Variants in KANSL1L observed in about 807,000 individuals in gnomAD.
The protein encoded by KANSL1L is KAT8 regulatory NSL complex subunit 1-like protein.
A neutral mutation model predicts 108.6 loss-of-function variants in KANSL1L; 25 were observed. The ratio of observed to expected loss-of-function variants is 0.23; its 90% confidence interval spans 0.17 to 0.32. The LOEUF (loss-of-function observed/expected upper bound fraction) is 0.32. Ranked by LOEUF, KANSL1L falls within the 10% of genes least tolerant of loss-of-function variation. The pLI, the probability that KANSL1L is intolerant of heterozygous loss-of-function variation, is 1.00. For missense variants in KANSL1L, 1,137 were observed against 1,125.7 expected (o/e 1.01, Z -0.14); for synonymous variants, 405 against 395.1 (o/e 1.03, Z -0.30).
At chr2:210,167,786 C>A (rs528686636) in intron 1 of KANSL1L, among the ~76,000 whole-genome samples, 15 of 151,934 alleles carry the variant, frequency 9.9e-5, no homozygotes, top group Middle Eastern at 3.4e-3. Flanking sequence ...TTTCTAAGAA[C>A]CTAAAAATAA....
intron 1 of KANSL1L, among the ~76,000 whole-genome samples, chr2:210,165,950 T>C (rs967686730): frequency 1.1e-4 from 16 of 152,200 alleles, no homozygotes; most frequent in African/African-American, 3.9e-4. Context: ...ACTGTTCTAC[T>C]ACTGTTGTTG....
upstream of KANSL1L, among the ~76,000 whole-genome samples, chr2:210,172,631 T>C (rs555329127): frequency 1.3e-5 from 2 of 152,366 alleles, no homozygotes; most frequent in African/African-American, 4.8e-5. Flanking sequence ...TTTACTTTCA[T>C]TGTAATAAAA....
intron 6 of KANSL1L, among the ~76,000 whole-genome samples, chr2:210,067,219 C>G (rs561552858): frequency 6.6e-6 from 1 of 152,170 alleles, no homozygotes; most frequent in Non-Finnish European, 1.5e-5. Context: ...CTCCAGCTGG[C>G]AGACAGCATA....
intron 6 of KANSL1L, among the ~76,000 whole-genome samples, chr2:210,053,583 C>T (rs1407672310): frequency 3.3e-5 from 5 of 151,720 alleles, no homozygotes; most frequent in African/African-American, 7.3e-5. Flanking sequence ...GGAAATAAAC[C>T]GAGATTCATG....
At chr2:210,035,593 C>T (rs1482136312) in intron 8 of KANSL1L, among the ~76,000 whole-genome samples, 1 of 152,158 alleles carries the variant, frequency 6.6e-6, no homozygotes, top group Non-Finnish European at 1.5e-5. Flanking sequence ...ATTCTTGTGC[C>T]TCAGCCTCCC....
chr2:210,033,262 T>C (rs2094046924), intron 8 of KANSL1L, among the ~76,000 whole-genome samples: 1 of 152,226 alleles, frequency 6.6e-6, no homozygotes, highest in African/African-American at 2.4e-5. Context: ...TCACAGATGA[T>C]AATACCCTGA....
At chr2:210,142,658 C>CT (rs1180176131) in intron 2 of KANSL1L, among the ~76,000 whole-genome samples, 1 of 152,040 alleles carries the variant, frequency 6.6e-6, no homozygotes, top group Non-Finnish European at 1.5e-5. Context: ...GTTTTGTAAA[C>CT]TGTGTTTCCA....
chr2:210,143,450 C>T (rs2095244215), intron 2 of KANSL1L, among the ~76,000 whole-genome samples: 1 of 152,068 alleles, frequency 6.6e-6, no homozygotes. Flanking sequence ...ATATCCGAGG[C>T]AATTGTTGAT....
At chr2:210,157,879 T>C (rs1010686423) in intron 1 of KANSL1L, among the ~76,000 whole-genome samples, 3 of 146,146 alleles carry the variant, frequency 2.1e-5, no homozygotes, top group African/African-American at 4.9e-5. Context: ...CACTCCAGCT[T>C]GAGTGACAGA....
intron 13 of KANSL1L, among the ~76,000 whole-genome samples, chr2:210,024,759 G>A (rs372894384): frequency 7.9e-5 from 12 of 152,072 alleles, no homozygotes; most frequent in African/African-American, 2.9e-4. Context: ...ATGTTAAAAT[G>A]GATTACCTAA....
intron 2 of KANSL1L, among the ~76,000 whole-genome samples, chr2:210,143,858 A>C (rs922466015): frequency 6.6e-6 from 1 of 152,218 alleles, no homozygotes; most frequent in Non-Finnish European, 1.5e-5. Flanking sequence ...AATTATAATA[A>C]AAACAAGTGA....
intron 1 of KANSL1L, among the ~76,000 whole-genome samples, chr2:210,157,042 A>G (rs1407390124): frequency 6.6e-6 from 1 of 152,138 alleles, no homozygotes; most frequent in Non-Finnish European, 1.5e-5. Flanking sequence ...TTTTATGGAA[A>G]TAGAAAAACA....
At chr2:210,078,187 G>C (rs1208028722) in intron 5 of KANSL1L, among the ~76,000 whole-genome samples, 1 of 152,078 alleles carries the variant, frequency 6.6e-6, no homozygotes, top group Non-Finnish European at 1.5e-5. Context: ...CATAGAAAAA[G>C]TAATGCATTG....
Position 210,092,853 on chromosome 2 carries a change from T to C in KANSL1L, c.1550+5233A>G, listed in dbSNP as rs144978892. On this transcript the variant is annotated intron_variant, in intron 5 of 14. Coordinates refer to ENST00000281772, the MANE Select transcript of KANSL1L (RefSeq NM_152519.4). ...AACTAGGGATCTCTTGGATCACTCATTGATGCAAACTTGGATTGAAAATCC... is the reference window on the plus strand; with the variant it reads ...AACTAGGGATCTCTTGGATCACTCACTGATGCAAACTTGGATTGAAAATCC... Among the ~76,000 whole-genome samples the C allele has an allele frequency of 2.3e-3, 351 of 152,280 alleles. 1 individual carries two copies. The highest frequency in any genetic ancestry group is 8.0e-3 in the African/African-American group (331 of 41,572).
intron 11 of KANSL1L, 83 bp from the exon 12 acceptor site, chr2:210,027,433 AGT>A: frequency 2.3e-6 from 2 of 868,702 alleles, no homozygotes; most frequent in South Asian, 2.9e-5. Context: ...TAAATGTATT[AGT>A]GTTTCCTTGG....
Position 210,031,783 on chromosome 2 carries a change from C to T in KANSL1L, c.2030-237G>A, listed in dbSNP as rs544999187. On this transcript the variant is annotated intron_variant, in intron 8 of 14. Coordinates refer to ENST00000281772, the MANE Select transcript of KANSL1L (RefSeq NM_152519.4). ...AGGGAAGATGATCTGTTCTCAAAGT[C>T]TTCCAAATTACAGAAACTTGATAGA... 8.5e-5 allele frequency among the ~76,000 whole-genome samples: 13 copies of T among 152,284 alleles called. No homozygotes were observed. In the East Asian group the frequency reaches 1.9e-3, roughly 23 times the overall value.
chr2:210,075,816 A>G, intron 5 of KANSL1L, 60 bp from the exon 6 acceptor site: 2 of 1,269,140 alleles, frequency 1.6e-6, no homozygotes, highest in Non-Finnish European at 2.2e-6. Context: ...AAAACAAACA[A>G]AAAAGACAAA....
chr2:210,044,194 T>C lies in KANSL1L; in HGVS notation c.1756-90A>G. The C allele has an allele frequency of 4.4e-6, 4 of 899,636 alleles. No homozygotes were observed. Among genetic ancestry groups the C allele is most frequent in the Non-Finnish European group, 6.2e-6 (4 of 644,506 alleles). 55.7% of individuals were successfully genotyped at this position (899,636 alleles called of 1,614,324 possible). A position where few individuals can be genotyped will look rare whatever the true frequency, so the allele number is the denominator to read the frequency against. ...TTATTTAGGTTATCTTTAAATAAAA[T>C]TTTCCAGTTCTACAAAAAGTTTTAC... is the stretch of plus-strand genomic sequence containing the variant. On this transcript the variant is annotated intron_variant, in intron 6 of 14. Transcript: ENST00000281772. The surrounding 1 kb of genome is among the most constrained non-coding windows in gnomAD (Gnocchi z 4.2).
At chr2:210,060,839 T>C (rs2094412195) in intron 6 of KANSL1L, among the ~76,000 whole-genome samples, 1 of 152,254 alleles carries the variant, frequency 6.6e-6, no homozygotes, top group Admixed American at 6.5e-5. Context: ...TAAGTGAGTG[T>C]CCTGCAAATA....
Sources: allele counts gnomAD v4.1 joint callset (sites outside exome capture counted in the v4.1 genomes callset), GRCh38; gene constraint gnomAD v4.1.1; non-coding constraint Gnocchi (gnomAD v3.1); transcripts MANE v1.5; gene names NCBI Gene and HGNC (gene_info 2026-07-23, HGNC 2026-07-21).